Variants in PLPPR5 observed in about 807,000 individuals in gnomAD.
The protein encoded by PLPPR5 is phospholipid phosphatase-related protein type 5.
A neutral mutation model predicts 33.9 loss-of-function variants in PLPPR5; 16 were observed. The ratio of observed to expected loss-of-function variants is 0.47; its 90% CI spans 0.32 to 0.72. The LOEUF (loss-of-function observed/expected upper bound fraction) is 0.72. PLPPR5 is among the 30% of genes least tolerant of loss of function. PLPPR5 has a pLI of 0.03. For synonymous variants in PLPPR5, 163 were observed against 150.3 expected, an observed-to-expected ratio of 1.08 and a Z score of -0.62; for missense variants, 301 against 406.7, an observed-to-expected ratio of 0.74 and a Z score of 2.23.
intron 5 of PLPPR5, among the ~76,000 whole-genome samples, chr1:98,906,597 C>T (rs2101141586): frequency 6.6e-6 from 1 of 152,106 alleles, no homozygotes; most frequent in East Asian, 1.9e-4. Flanking sequence ...ATGTTCTTGA[C>T]CAAGTCCAAA....
Position 98,914,918 on chromosome 1 carries a change from A to G in PLPPR5, c.801T>C (p.Val267=), listed in dbSNP as rs760969705. Reference sequence around the variant, plus strand: ...CTTTGAAATTATTCACCACGCACACAACCTAAAATTTCAGAAGACAATTAC... The same window carrying G: ...CTTTGAAATTATTCACCACGCACACGACCTAAAATTTCAGAAGACAATTAC... ...LVGISIAVFL[V]VCVVNNFKGR... is the part of the protein sequence containing the mutation. Residue 267 remains valine (V), a splice_region_variant and synonymous_variant, in exon 5 of 6, where the codon GTT becomes GTC. Transcript: ENST00000263177. The G allele has an allele frequency of 1.5e-5, 24 of 1,609,586 alleles. 1 individual carries two copies. In the South Asian group the frequency reaches 2.5e-4, roughly 17 times the overall value.
chr1:98,896,907 T>C (rs1306202138), intron 5 of PLPPR5, among the ~76,000 whole-genome samples: 1 of 152,116 alleles, frequency 6.6e-6, no homozygotes, highest in Non-Finnish European at 1.5e-5. Context: ...GGTGATGACT[T>C]GCCATCTGGC....
At chr1:99,001,097 T>C (rs1652823436) in intron 1 of PLPPR5, among the ~76,000 whole-genome samples, 1 of 151,890 alleles carries the variant, frequency 6.6e-6, no homozygotes, top group Non-Finnish European at 1.5e-5. Flanking sequence ...CTTAAATAGA[T>C]TGTTCAAGAT....
At chr1:98,959,113 A>C (rs1490221270) in intron 1 of PLPPR5, among the ~76,000 whole-genome samples, 9 of 152,212 alleles carry the variant, frequency 5.9e-5, no homozygotes, top group Non-Finnish European at 1.3e-4. Context: ...CCTGACTTCT[A>C]AAAACCAACT....
At chr1:98,939,389 G>A (rs1478234380) in intron 3 of PLPPR5, among the ~76,000 whole-genome samples, 1 of 151,752 alleles carries the variant, frequency 6.6e-6, no homozygotes, top group Non-Finnish European at 1.5e-5. Flanking sequence ...ATGAGATAAA[G>A]CCTTAAAAAG....
rs200949070 is a variant in PLPPR5 at position 98,975,949 on chromosome 1, A to AAT, written c.238-19210_238-19209dup. ...ACGCCTAGCAAGCTGCCTGGCATGT[A>AAT]ATATATATATACTAAGAGTTTATTA... is the stretch of plus-strand genomic sequence containing the variant. On this transcript the variant is annotated intron_variant, in intron 1 of 5. Transcript: ENST00000263177. 1.1e-4 allele frequency among the ~76,000 whole-genome samples: 16 copies of AAT among 152,010 alleles called. No individual in the cohort carries two copies. The East Asian group carries it at 3.1e-3, about 30-fold the overall frequency.
intron 1 of PLPPR5, among the ~76,000 whole-genome samples, chr1:98,958,882 C>T (rs1440430179): frequency 6.6e-6 from 1 of 152,052 alleles, no homozygotes; most frequent in African/African-American, 2.4e-5. Context: ...TGATGGCTGC[C>T]CTCTCAGCCT....
intron 1 of PLPPR5, among the ~76,000 whole-genome samples, chr1:98,974,550 C>T (rs1651778959): frequency 6.6e-6 from 1 of 152,022 alleles, no homozygotes; most frequent in Non-Finnish European, 1.5e-5. Flanking sequence ...CTGTTTCATT[C>T]TTAGCTCTGT....
At chr1:98,944,339 C>T (rs145329944) in intron 3 of PLPPR5, among the ~76,000 whole-genome samples, 7 of 152,282 alleles carry the variant, frequency 4.6e-5, no homozygotes, top group African/African-American at 1.7e-4. Flanking sequence ...TATTGCTCTG[C>T]CCCATATACT....
intron 3 of PLPPR5, among the ~76,000 whole-genome samples, chr1:98,937,462 A>T (rs1422431892): frequency 3.9e-5 from 6 of 152,194 alleles, no homozygotes; most frequent in African/African-American, 1.4e-4. Context: ...GATTGAGCTC[A>T]TAAGACACAT....
chr1:98,892,917 TG>T lies in PLPPR5; in HGVS notation c.*154del. The T allele has an allele frequency of 1.4e-6, 1 of 722,296 alleles. No homozygotes were observed. The highest frequency in any genetic ancestry group is 2.3e-6 in the Non-Finnish European group (1 of 433,586). 44.7% of individuals were successfully genotyped at this position (722,296 alleles called of 1,614,324 possible). On this transcript the variant is annotated 3_prime_UTR_variant, in exon 6 of 6. Transcript: ENST00000263177. Reference sequence around the variant, plus strand: ...TGCCCTCGAGGAGCTCACAGTCTAGTGGGGGAAACAGATAGGTTGACATTGA... The same window carrying T: ...TGCCCTCGAGGAGCTCACAGTCTAGTGGGGAAACAGATAGGTTGACATTGA...
chr1:98,995,010 C>T (rs1430665502), intron 1 of PLPPR5, among the ~76,000 whole-genome samples: 2 of 152,044 alleles, frequency 1.3e-5, no homozygotes, highest in African/African-American at 2.4e-5. Flanking sequence ...ATAACAGATG[C>T]TGGCAAGGTT....
Position 98,915,350 on chromosome 1 carries a change from T to C in PLPPR5, c.799-430A>G, listed in dbSNP as rs17119213. 3.0e-3 allele frequency among the ~76,000 whole-genome samples: 453 copies of C among 152,296 alleles called. 19 individuals are homozygous for C. The East Asian group carries it at 0.072, about 24-fold the overall frequency. ...TGCTTCAGTATCATTATATTCATAATAAACCTTCTACAATTGGTACTCTCT... is the reference window on the plus strand; with the variant it reads ...TGCTTCAGTATCATTATATTCATAACAAACCTTCTACAATTGGTACTCTCT... On this transcript the variant is annotated intron_variant, in intron 4 of 5. Transcript: ENST00000263177.
At chr1:99,005,320 C>T (rs1283187318), upstream of PLPPR5, among the ~76,000 whole-genome samples, 1 of 152,146 alleles carries the variant, frequency 6.6e-6, no homozygotes, top group African/African-American at 2.4e-5. Flanking sequence ...AGTGCCGATG[C>T]GGCGCCCAGA....
intron 1 of PLPPR5, among the ~76,000 whole-genome samples, chr1:98,973,419 A>G (rs2100745430): frequency 6.6e-6 from 1 of 152,108 alleles, no homozygotes; most frequent in African/African-American, 2.4e-5. Context: ...AAAGTCTTAC[A>G]AAAGTTGATG....
At chr1:98,964,433 G>A (rs961915026) in intron 1 of PLPPR5, among the ~76,000 whole-genome samples, 16 of 152,100 alleles carry the variant, frequency 1.1e-4, no homozygotes, top group South Asian at 4.1e-4. Context: ...AGCCTTTCAC[G>A]GAGGTACTCC....
chr1:98,942,096 A>G (rs555856882), intron 3 of PLPPR5, among the ~76,000 whole-genome samples: 34 of 118,648 alleles, frequency 2.9e-4, no homozygotes, highest in African/African-American at 1.0e-3. Flanking sequence ...GAGAGAGAGG[A>G]AGTCTCGCTC....
At chr1:98,975,468 T>G (rs1195414649) in intron 1 of PLPPR5, among the ~76,000 whole-genome samples, 1 of 152,082 alleles carries the variant, frequency 6.6e-6, no homozygotes, top group Non-Finnish European at 1.5e-5. Context: ...AGATGAAGCC[T>G]TTTGAGGTTT....
intron 5 of PLPPR5, among the ~76,000 whole-genome samples, chr1:98,908,625 A>C (rs7552573): frequency 0.19 from 28,693 of 152,034 alleles, 2,906 homozygotes; most frequent in Non-Finnish European, 0.21. Context: ...GGAGATTTGG[A>C]TCCCTGGGTC....
Sources: gnomAD v4.1 joint callset for allele counts (sites outside exome capture counted in the v4.1 genomes callset) on GRCh38, gnomAD v4.1.1 for gene constraint, MANE v1.5 for transcripts, NCBI Gene and HGNC (gene_info 2026-07-23, HGNC 2026-07-21) for gene names.